The following ATP9A variants were observed in gnomAD, a reference collection of about 807,000 sequenced individuals.
ATP9A encodes the protein ATPase phospholipid transporting 9A.
In ATP9A, 52 loss-of-function variants were observed where a neutral mutation model predicts 144.1. The observed-to-expected ratio is 0.36, with a 90% CI of 0.29 to 0.45. The LOEUF (loss-of-function observed/expected upper bound fraction) is 0.45. ATP9A is among the 20% of genes least tolerant of loss of function. The pLI is 1.00. For synonymous variants in ATP9A, 582 were observed against 557.4 expected (o/e 1.04, Z -0.62); for missense variants, 947 against 1,392.7 (o/e 0.68, Z 5.09).
At chr20:51,685,224 T>G (rs948582327) in intron 9 of ATP9A, among the ~76,000 whole-genome samples, 1 of 152,088 alleles carries the variant, frequency 6.6e-6, no homozygotes, top group Non-Finnish European at 1.5e-5. Flanking sequence ...GAGGCAAGTT[T>G]CCTGGGTGAA....
chr20:51,660,914 ACT>A (rs2077407872), intron 13 of ATP9A, among the ~76,000 whole-genome samples: 1 of 152,120 alleles, frequency 6.6e-6, no homozygotes, highest in Non-Finnish European at 1.5e-5. Flanking sequence ...GCAGGTTATG[ACT>A]CTTTTTGCCC....
At chr20:51,704,406 T>C (rs1306615552) in intron 4 of ATP9A, among the ~76,000 whole-genome samples, 2 of 151,936 alleles carry the variant, frequency 1.3e-5, no homozygotes, top group Non-Finnish European at 2.9e-5. Context: ...AATTAAACAA[T>C]AGATCAGTTC....
At position 51,678,351 on chromosome 20, in the gene ATP9A, A is replaced by C. The variant is rs575365722; in HGVS notation, c.800-2143T>G. ...AATGCCACTGTCAGGAGATACAAAAATCCGAAGAGGCTGAAGCACATCTGC... is the reference window on the plus strand; with the variant it reads ...AATGCCACTGTCAGGAGATACAAAACTCCGAAGAGGCTGAAGCACATCTGC... On this transcript the variant is annotated intron_variant, in intron 9 of 27. Coordinates refer to ENST00000338821, the MANE Select transcript of ATP9A (RefSeq NM_006045.3). Among the ~76,000 whole-genome samples, 7 of 152,312 alleles carry C rather than the reference A, an allele frequency of 4.6e-5. No homozygotes were observed. The South Asian group carries it at 1.2e-3, about 27-fold the overall frequency.
Position 51,637,890 on chromosome 20 carries a change from T to C in ATP9A, c.1668+1453A>G, listed in dbSNP as rs374244738. ...CAGCCCCCTGACTCGCCAAAGTCCA[T>C]TGTATTATTCTTAAGCCTTTGCTTC... On this transcript the variant is annotated intron_variant, in intron 15 of 27. Coordinates refer to ENST00000338821, the MANE Select transcript of ATP9A (RefSeq NM_006045.3). Among the ~76,000 whole-genome samples the C allele has an allele frequency of 1.3e-4, 19 of 150,766 alleles. No individual in the cohort carries two copies. The East Asian group carries it at 3.6e-3, about 28-fold the overall frequency.
intron 9 of ATP9A, among the ~76,000 whole-genome samples, chr20:51,687,805 A>ATGAATGAATGAG: frequency 6.6e-6 from 1 of 152,254 alleles, no homozygotes; most frequent in South Asian, 2.1e-4. Flanking sequence ...GAATGAATGA[A>ATGAATGAATGAG]AGAGAGAAGC....
At chr20:51,668,758 G>C (rs1473343909) in intron 13 of ATP9A, among the ~76,000 whole-genome samples, 1 of 152,180 alleles carries the variant, frequency 6.6e-6, no homozygotes, top group African/African-American at 2.4e-5. Context: ...GGGCTTTGTT[G>C]CTGGTTGTAG....
At position 51,609,057 on chromosome 20, in the gene ATP9A, C is replaced by G. The variant is rs578126712; in HGVS notation, c.2637-431G>C. 1.4e-3 allele frequency among the ~76,000 whole-genome samples: 206 copies of G among 151,740 alleles called. 1 individual carries two copies. Among genetic ancestry groups the G allele is most frequent in the African/African-American group, 4.4e-3 (184 of 41,352 alleles). The stretch of plus-strand genomic sequence containing the variant: ...AGCCAATCCCAGGAGGAAGAGCATT[C>G]CAGGGAGAAGGAACCACCAGTGCAA... On this transcript the variant is annotated intron_variant, in intron 24 of 27. Transcript: ENST00000338821.
At chr20:51,649,636 C>G (rs1010930052) in intron 14 of ATP9A, among the ~76,000 whole-genome samples, 1 of 152,158 alleles carries the variant, frequency 6.6e-6, no homozygotes, top group African/African-American at 2.4e-5. Context: ...ACAGCTAGGC[C>G]GGGTGCAGTA....
Position 51,621,472 on chromosome 20 carries a change from C to T in ATP9A, c.2115+602G>A, listed in dbSNP as rs151096146. Among the ~76,000 whole-genome samples the T allele has an allele frequency of 7.2e-3, 1,103 of 152,190 alleles. 63 individuals are homozygous for T. The highest frequency in any genetic ancestry group is 0.065 in the Admixed American group (996 of 15,278). ...ACTATATCCTGCCCCAAAGAGGACC[C>T]GGTCCCCCTACCTCCCCAATGCAAT... On this transcript the variant is annotated intron_variant, in intron 19 of 27. Transcript: ENST00000338821.
chr20:51,711,822 C>T (rs2077639902), intron 4 of ATP9A, among the ~76,000 whole-genome samples: 1 of 150,122 alleles, frequency 6.7e-6, no homozygotes, highest in South Asian at 2.1e-4. Flanking sequence ...TTTCATATCC[C>T]TGGGAAATAT....
intron 8 of ATP9A, 82 bp downstream of exon 8, chr20:51,690,655 AAG>A (rs2077544384): frequency 8.4e-7 from 1 of 1,190,224 alleles, no homozygotes. Flanking sequence ...CTTCCTGACA[AAG>A]AACTGTCAGT....
At chr20:51,679,831 T>C (rs544505590) in intron 9 of ATP9A, among the ~76,000 whole-genome samples, 1 of 152,326 alleles carries the variant, frequency 6.6e-6, no homozygotes, top group African/African-American at 2.4e-5. Flanking sequence ...AACCCGAGAA[T>C]CAGCGTTTGG....
chr20:51,697,955 T>C (rs2077577753), intron 4 of ATP9A, among the ~76,000 whole-genome samples: 1 of 152,252 alleles, frequency 6.6e-6, no homozygotes, highest in African/African-American at 2.4e-5. Flanking sequence ...GATCAGACTA[T>C]ATAATTTTTG....
intron 15 of ATP9A, 132 bp downstream of exon 15, chr20:51,639,211 A>C: frequency 9.8e-7 from 1 of 1,024,542 alleles, no homozygotes. Context: ...TGCTTAGGGA[A>C]TTATATTCCC....
At chr20:51,715,728 A>G (rs2077659214) in intron 3 of ATP9A, among the ~76,000 whole-genome samples, 1 of 152,174 alleles carries the variant, frequency 6.6e-6, no homozygotes. Flanking sequence ...GGCTGGTGAA[A>G]TTGCCTTACA....
chr20:51,716,957 T>C (rs1356113799), intron 3 of ATP9A, among the ~76,000 whole-genome samples: 2 of 152,114 alleles, frequency 1.3e-5, no homozygotes, highest in Non-Finnish European at 2.9e-5. Flanking sequence ...GCGGATCACC[T>C]GAGGTCAGGA....
intron 16 of ATP9A, 73 bp from the exon 17 acceptor site, chr20:51,627,756 C>T: frequency 8.1e-7 from 1 of 1,235,752 alleles, no homozygotes; most frequent in Non-Finnish European, 1.2e-6. Flanking sequence ...GACCAGTGCC[C>T]AAGTGGATGT....
chr20:51,740,768 TCTCA>T (rs138882647), intron 1 of ATP9A, among the ~76,000 whole-genome samples: 1,803 of 151,588 alleles, frequency 0.012, 16 homozygotes, highest in Middle Eastern at 0.048. Flanking sequence ...GTAAAGACAG[TCTCA>T]CTATGTTGCC....
chr20:51,627,623 C>T lies in ATP9A; in HGVS notation c.1822G>A (p.Glu608Lys). ...VLVVAKKSLA[E>K]EQYQDFEARY... Reference sequence around the variant, plus strand: ...ACTTCAAAGTCCTGATACTGCTCCTCTGCAAGAGACTTCTTTGCCACCACG... The same window carrying T: ...ACTTCAAAGTCCTGATACTGCTCCTTTGCAAGAGACTTCTTTGCCACCACG... The change falls in exon 17 of 28, where the codon GAG becomes AAG. Residue 608 changes from glutamate to lysine, a missense_variant. By Grantham distance (56) the Glu-to-Lys change is moderately conservative. Transcript: ENST00000338821. The T allele has an allele frequency of 6.2e-7, 1 of 1,614,210 alleles. No individual in the cohort carries two copies. Among genetic ancestry groups the T allele is most frequent in the Non-Finnish European group, 8.5e-7 (1 of 1,180,030 alleles).
Sources: gnomAD v4.1 joint callset for allele counts (sites outside exome capture counted in the v4.1 genomes callset) on GRCh38, gnomAD v4.1.1 for gene constraint, MANE v1.5 for transcripts, NCBI Gene and HGNC (gene_info 2026-07-23, HGNC 2026-07-21) for gene names.